PJA2: variants seen among roughly 807,000 people sequenced by gnomAD.
The protein encoded by PJA2 is E3 ubiquitin-protein ligase Praja-2.
In PJA2, 25 loss-of-function variants were observed where a neutral mutation model predicts 69.3. The ratio of observed to expected loss-of-function variants is 0.36; its 90% confidence interval spans 0.26 to 0.50. The LOEUF is 0.50. Ranked by LOEUF, PJA2 falls within the 20% of genes least tolerant of loss-of-function variation. PJA2 has a pLI of 0.96. For missense variants in PJA2, 809 were observed against 830.2 expected (o/e 0.97, Z 0.31); for synonymous variants, 308 against 277.8 (o/e 1.11, Z -1.08).
chr5:109,385,686 G>A (rs750475639), intron 1 of PJA2, among the ~76,000 whole-genome samples: 7 of 152,184 alleles, frequency 4.6e-5, no homozygotes, highest in Non-Finnish European at 8.8e-5. Context: ...GGTGTACATG[G>A]AGAAGTGAAG....
At chr5:109,354,730 TATTA>T (rs139541777) in intron 7 of PJA2, among the ~76,000 whole-genome samples, 4,454 of 147,386 alleles carry the variant, frequency 0.03, 94 homozygotes, top group Non-Finnish European at 0.046. Context: ...ATATATTATA[TATTA>T]GAGAGAGGTA....
chr5:109,389,904 A>ATTTTTTTT (rs56405345), intron 1 of PJA2, among the ~76,000 whole-genome samples: 1 of 143,498 alleles, frequency 7.0e-6, no homozygotes, highest in Non-Finnish European at 1.5e-5. Flanking sequence ...TTTGCAGTCT[A>ATTTTTTTT]TTTTTTTTTT....
intron 7 of PJA2, among the ~76,000 whole-genome samples, chr5:109,346,457 C>T (rs143376424): frequency 1.4e-4 from 21 of 152,290 alleles, no homozygotes; most frequent in African/African-American, 4.6e-4. Context: ...ATCTGTACAC[C>T]CATGTTCACT....
chr5:109,375,887 A>G (rs1193133805), intron 4 of PJA2, among the ~76,000 whole-genome samples: 2 of 152,210 alleles, frequency 1.3e-5, no homozygotes, highest in Non-Finnish European at 2.9e-5. Flanking sequence ...AATCCTTTGC[A>G]GGGAATTAGG....
At chr5:109,339,582 C>G (rs575164999) in intron 9 of PJA2, among the ~76,000 whole-genome samples, 1 of 152,286 alleles carries the variant, frequency 6.6e-6, no homozygotes, top group Non-Finnish European at 1.5e-5. Flanking sequence ...ACCTCACAGA[C>G]TCAGCCATGC....
chr5:109,352,711 T>C (rs1412184413), intron 7 of PJA2, among the ~76,000 whole-genome samples: 7 of 151,998 alleles, frequency 4.6e-5, no homozygotes, highest in Non-Finnish European at 8.8e-5. Flanking sequence ...AAAGCAGAGC[T>C]AGCATAAATG....
chr5:109,363,910 G>A (rs1326216988), intron 5 of PJA2, among the ~76,000 whole-genome samples: 1 of 152,186 alleles, frequency 6.6e-6, no homozygotes, highest in African/African-American at 2.4e-5. Flanking sequence ...CCAGCACTTT[G>A]GGAGTCCGAG....
chr5:109,370,853 A>G (rs1000543628), intron 4 of PJA2, among the ~76,000 whole-genome samples: 1 of 152,190 alleles, frequency 6.6e-6, no homozygotes, highest in Non-Finnish European at 1.5e-5. Flanking sequence ...GTTTTTAAAA[A>G]AAAATTTTCA....
intron 1 of PJA2, among the ~76,000 whole-genome samples, chr5:109,405,514 T>C (rs780821282): frequency 2.6e-5 from 4 of 152,166 alleles, no homozygotes; most frequent in Admixed American, 1.3e-4. Context: ...TCAATACTTA[T>C]AAGTAAAAAT....
chr5:109,381,520 G>A lies in PJA2; in HGVS notation c.215C>T (p.Pro72Leu). ...DYEVLELDDV[P>L]KENSSGSSPL... Reference sequence around the variant, plus strand: ...TTACACACCTGAGGAATTTTCCTTTGGAACATCATCTAGTTCCAACACTTC... The same window carrying A: ...TTACACACCTGAGGAATTTTCCTTTAGAACATCATCTAGTTCCAACACTTC... The change falls in exon 3 of 10, where the codon CCA becomes CTA. Residue 72 changes from proline to leucine, a missense_variant. Physicochemically the swap from Pro to Leu is moderately conservative, Grantham distance 98. Transcript: ENST00000361189. 1 of 1,613,738 alleles carries A rather than the reference G, an allele frequency of 6.2e-7. No individual in the cohort carries two copies. The highest frequency in any genetic ancestry group is 1.3e-5 in the African/African-American group (1 of 74,960).
chr5:109,342,455 C>T (rs1762088033), intron 9 of PJA2, among the ~76,000 whole-genome samples: 1 of 134,058 alleles, frequency 7.5e-6, no homozygotes, highest in Admixed American at 7.1e-5. Context: ...CGGCCAGCCG[C>T]CCCGTCCGGG....
At chr5:109,340,625 C>CTCTCCCTCTCCCT (rs1306841705) in intron 9 of PJA2, among the ~76,000 whole-genome samples, 1 of 1,284 alleles carries the variant, frequency 7.8e-4, no homozygotes, top group African/African-American at 1.8e-3. Context: ...GGTCCCTCCC[C>CTCTCCCTCTCCCT]CTCCCCCTCC....
chr5:109,354,032 G>GAGATATCTAT (rs1762341973), intron 7 of PJA2, among the ~76,000 whole-genome samples: 1 of 143,834 alleles, frequency 7.0e-6, no homozygotes, highest in Non-Finnish European at 1.5e-5. Context: ...ATGATATCTA[G>GAGATATCTAT]AGATATCTAT....
In PJA2 at chr5:109,378,951, T is replaced by C. The variant is rs550919041; in HGVS notation, c.536A>G (p.Asp179Gly). The C allele has an allele frequency of 6.2e-7, 1 of 1,614,192 alleles. No homozygotes were observed. Among genetic ancestry groups the C allele is most frequent in the Non-Finnish European group, 8.5e-7 (1 of 1,180,022 alleles). ...GACTTCTGCAGAAAGTTGAAGATGG[T>C]CATTATCTTCTCCATGTTTGCCATC... ...DPDGKHGEDN[D>G]HLQLSAEVVE... The change falls in exon 4 of 10, where the codon GAC (aspartate) becomes GGC (glycine). Residue 179 changes from aspartate to glycine, a missense_variant. This residue lies in a region of PJA2 where 700 missense variants were observed against 639.5 expected (regional missense o/e 1.09). Coordinates refer to ENST00000361189, the MANE Select transcript of PJA2 (RefSeq NM_014819.5).
rs377546201 is a variant in PJA2, at chr5:109,381,677, C to A, written c.58G>T (p.Val20Phe). The change falls in exon 3 of 10, where the codon GTC (valine) becomes TTC (phenylalanine). Residue 20 changes from valine to phenylalanine, a missense_variant. By Grantham distance (50) the Val-to-Phe change is conservative. Coordinates refer to ENST00000361189, the MANE Select transcript of PJA2 (RefSeq NM_014819.5). ...TACCCTCCTGCTGGTTTGGGCCAGACAGCCTTACCAGATTCTTGGTCCATT... is the reference window on the plus strand; with the variant it reads ...TACCCTCCTGCTGGTTTGGGCCAGAAAGCCTTACCAGATTCTTGGTCCATT... ...AAMDQESGKA[V>F]WPKPAGGYQT... 37 of 1,613,754 alleles carry A rather than the reference C, an allele frequency of 2.3e-5. No homozygotes were observed. The highest frequency in any genetic ancestry group is 3.3e-4 in the Middle Eastern group (2 of 6,082).
Position 109,368,814 on chromosome 5 carries a change from T to G in PJA2, c.1284-68A>C, listed in dbSNP as rs961461687. 3.4e-6 allele frequency: 5 copies of G among 1,462,464 alleles called. No individual in the cohort carries two copies. The East Asian group carries it at 9.4e-5, about 27-fold the overall frequency. The allele number at this position is 1,462,464 out of a possible 1,614,324, so 90.6% of individuals were successfully genotyped here. On this transcript the variant is annotated intron_variant, in intron 4 of 9. Transcript: ENST00000361189. ...TATTTTTATCATTTGGGGTGTTAAC[T>G]AGATGATATGGTTTGGATCTGTGTC...
At chr5:109,368,965 G>T (rs924410111) in intron 4 of PJA2, among the ~76,000 whole-genome samples, 1 of 152,066 alleles carries the variant, frequency 6.6e-6, no homozygotes, top group African/African-American at 2.4e-5. Context: ...CTGTTCTTGT[G>T]ATACTGAGTT....
At chr5:109,382,903 G>A (rs1399983843) in intron 2 of PJA2, among the ~76,000 whole-genome samples, 1 of 151,246 alleles carries the variant, frequency 6.6e-6, no homozygotes, top group Non-Finnish European at 1.5e-5. Flanking sequence ...TAATTTCTTA[G>A]TTGTATTAAA....
chr5:109,398,547 C>T (rs1258722911), intron 1 of PJA2, among the ~76,000 whole-genome samples: 1 of 150,112 alleles, frequency 6.7e-6, no homozygotes, highest in Non-Finnish European at 1.5e-5. Context: ...AAACCAAACA[C>T]CACATGTTGT....
Sources: gnomAD v4.1 joint callset for allele counts (sites outside exome capture counted in the v4.1 genomes callset) on GRCh38, gnomAD v4.1.1 for gene constraint, gnomAD v4.1.1 regional missense constraint, MANE v1.5 for transcripts, NCBI Gene and HGNC (gene_info 2026-07-23, HGNC 2026-07-21) for gene names.